Variants in NTNG2 observed in about 807,000 individuals in gnomAD.
NTNG2 encodes netrin-G2.
A neutral mutation model predicts 47.6 loss-of-function variants in NTNG2; 15 were observed. The ratio of observed to expected loss-of-function variants is 0.32; its 90% confidence interval spans 0.21 to 0.49. NTNG2 has a LOEUF of 0.49. Ranked by LOEUF, NTNG2 falls within the 20% of genes least tolerant of loss-of-function variation. The pLI, the probability that NTNG2 is intolerant of heterozygous loss-of-function variation, is 0.99. For missense variants in NTNG2, 578 were observed against 764.6 expected (o/e 0.76, Z 2.88); for synonymous variants, 307 against 324.6 (o/e 0.95, Z 0.58).
intron 3 of NTNG2, among the ~76,000 whole-genome samples, chr9:132,200,600 T>A (rs1020173064): frequency 3.3e-5 from 5 of 152,222 alleles, no homozygotes; most frequent in African/African-American, 1.2e-4. Flanking sequence ...GGCAGGCCGC[T>A]GTGGTGCTGC....
chr9:132,183,297 T>C (rs1286158391), intron 2 of NTNG2, among the ~76,000 whole-genome samples: 1 of 152,168 alleles, frequency 6.6e-6, no homozygotes, highest in East Asian at 1.9e-4. Context: ...CGGGCGCTGC[T>C]TAATGTCAAG....
chr9:132,239,750 G>A (rs1476678410), intron 6 of NTNG2, among the ~76,000 whole-genome samples: 7 of 152,262 alleles, frequency 4.6e-5, no homozygotes, highest in Non-Finnish European at 1.0e-4. Context: ...GCGTGCATTT[G>A]TGCAAGTCCC....
In NTNG2 at chr9:132,163,252, C is replaced by G. The variant is rs776995773; in HGVS notation, c.-484+1013C>G. ...CTAGGCACAGGGCTCGCAGCCGGCC[C>G]GAAGCACTGACTCGACCCTGGCCCC... On this transcript the variant is annotated intron_variant, in intron 1 of 7. Transcript: ENST00000393229. This position sits in a 1 kb window ranked among gnomAD's most constrained non-coding sequence, Gnocchi z 7.2. 1.1e-4 allele frequency among the ~76,000 whole-genome samples: 17 copies of G among 152,076 alleles called. No homozygotes were observed. Among genetic ancestry groups the G allele is most frequent in the Non-Finnish European group, 2.2e-4 (15 of 67,970 alleles).
In NTNG2 at chr9:132,240,942, G is replaced by A; in HGVS notation, c.1255G>A (p.Asp419Asn). The change falls in exon 7 of 8, where the codon GAC becomes AAC. Residue 419 changes from aspartate to asparagine, a missense_variant. Physicochemically the swap from Asp to Asn is conservative, Grantham distance 23. Transcript: ENST00000393229. ...CNCNQIGSVH[D>N]RCNETGFCEC... ...CTGCAACCAGATAGGCTCCGTGCAC[G>A]ACCGGTGCAACGAGACCGGCTTCTG... 2 of 1,612,716 alleles carry A rather than the reference G, an allele frequency of 1.2e-6. No homozygotes were observed. Among genetic ancestry groups the A allele is most frequent in the East Asian group, 2.2e-5 (1 of 44,880 alleles).
intron 3 of NTNG2, among the ~76,000 whole-genome samples, chr9:132,210,836 G>T (rs1158079470): frequency 6.6e-6 from 1 of 152,072 alleles, no homozygotes; most frequent in Non-Finnish European, 1.5e-5. Context: ...AGGATCCCTG[G>T]CCCTTCATCC....
Position 132,227,288 on chromosome 9 carries a change from G to A in NTNG2, c.1030+267G>A, listed in dbSNP as rs558121996. ...ACACCTTGTTCTACAGCTCCCAAAC[G>A]CCAGGTCTCATAACAAGTCCCTCTA... is the stretch of plus-strand genomic sequence containing the variant. On this transcript the variant is annotated intron_variant, in intron 4 of 7. Transcript: ENST00000393229. 6.3e-4 allele frequency among the ~76,000 whole-genome samples: 96 copies of A among 152,348 alleles called. 1 individual carries two copies. Among genetic ancestry groups the A allele is most frequent in the African/African-American group, 2.3e-3 (96 of 41,582 alleles).
Position 132,198,315 on chromosome 9 carries a change from C to T in NTNG2, c.563C>T (p.Ser188Phe). The change falls in exon 3 of 8, where the codon TCC (serine) becomes TTC (phenylalanine). Residue 188 changes from serine (S) to phenylalanine (F), a missense_variant. By Grantham distance (155) the Ser-to-Phe change is radical. Transcript: ENST00000393229. The stretch of plus-strand genomic sequence containing the variant: ...CGCCGGGCCCGCGACATGTCATCCT[C>T]CAGCGCGCACCGCGTGCTCTGCACC... ...SARRARDMSS[S>F]SAHRVLCTEE... 1.9e-6 allele frequency: 3 copies of T among 1,612,790 alleles called. No individual in the cohort carries two copies. In the South Asian group the frequency reaches 3.3e-5, roughly 18 times the overall value.
intron 2 of NTNG2, among the ~76,000 whole-genome samples, chr9:132,195,336 T>C (rs941421218): frequency 6.6e-6 from 1 of 152,182 alleles, no homozygotes; most frequent in African/African-American, 2.4e-5. Context: ...TGAGACAAAG[T>C]CTCGCTCTGT....
intron 2 of NTNG2, among the ~76,000 whole-genome samples, chr9:132,171,236 G>A (rs952783115): frequency 2.0e-5 from 3 of 152,160 alleles, no homozygotes; most frequent in Admixed American, 2.0e-4. Flanking sequence ...TGGGGGCTGG[G>A]TGGTCTGAGG....
rs113412096 is a variant in NTNG2, at chr9:132,218,176, C to T, written c.858-8673C>T. Among the ~76,000 whole-genome samples, 444 of 152,350 alleles carry T rather than the reference C, an allele frequency of 2.9e-3. No homozygotes were observed. Among genetic ancestry groups the T allele is most frequent in the African/African-American group, 0.01 (422 of 41,584 alleles). On this transcript the variant is annotated intron_variant, in intron 3 of 7. Coordinates refer to ENST00000393229, the MANE Select transcript of NTNG2 (RefSeq NM_032536.4). This position sits in a 1 kb window ranked among gnomAD's most constrained non-coding sequence, Gnocchi z 5.4. ...CACCATGGGGGCTCCCGGCTCCTGCCACACAGGCCACCCGGGAGTGCAGAC... is the reference window on the plus strand; with the variant it reads ...CACCATGGGGGCTCCCGGCTCCTGCTACACAGGCCACCCGGGAGTGCAGAC...
intron 3 of NTNG2, among the ~76,000 whole-genome samples, chr9:132,216,428 ATGTGTGTGTGTGTG>A (rs10578395): frequency 5.7e-5 from 5 of 87,648 alleles, no homozygotes; most frequent in Non-Finnish European, 1.1e-4. Flanking sequence ...GTGTGTGTGT[ATGTGTGTGTGTGTG>A]TGTGTGTGTG....
chr9:132,207,713 G>A (rs1244170738), intron 3 of NTNG2, among the ~76,000 whole-genome samples: 1 of 152,180 alleles, frequency 6.6e-6, no homozygotes, highest in African/African-American at 2.4e-5. Context: ...AGGGTGCCAG[G>A]GTCCAAGAGC....
chr9:132,239,020 T>C lies in NTNG2; in HGVS notation c.1055-84T>C, dbSNP rs199657519. On this transcript the variant is annotated intron_variant, in intron 5 of 7. Transcript: ENST00000393229. ...TGCCTTCCTCCGTCCCTGCATGACCTGGGGTGAGTCCTTCCTCGCCCTGTC... is the reference window on the plus strand; with the variant it reads ...TGCCTTCCTCCGTCCCTGCATGACCCGGGGTGAGTCCTTCCTCGCCCTGTC... 5 of 1,395,038 alleles carry C rather than the reference T, an allele frequency of 3.6e-6. No individual in the cohort carries two copies. The South Asian group carries it at 4.7e-5, about 13-fold the overall frequency. 86.4% of individuals were successfully genotyped at this position (1,395,038 alleles called of 1,614,324 possible).
chr9:132,201,308 AC>A (rs1396361538), intron 3 of NTNG2, among the ~76,000 whole-genome samples: 2 of 152,104 alleles, frequency 1.3e-5, no homozygotes, highest in African/African-American at 4.8e-5. Context: ...TCCGCTTGGC[AC>A]CCAGCCTCTG....
At chr9:132,190,396 G>A (rs1388317757) in intron 2 of NTNG2, among the ~76,000 whole-genome samples, 4 of 152,040 alleles carry the variant, frequency 2.6e-5, no homozygotes, top group Non-Finnish European at 2.9e-5. Flanking sequence ...AGCCCTGCCC[G>A]GGACACCCTG....
Position 132,231,449 on chromosome 9 carries a change from C to T in NTNG2, c.1054+854C>T, listed in dbSNP as rs1450427462. ...CCCTCCACCAGGGCTCTGTGGGGCCCCACATCCCACCCAAGTTGTCCCTCC... is the reference window on the plus strand; with the variant it reads ...CCCTCCACCAGGGCTCTGTGGGGCCTCACATCCCACCCAAGTTGTCCCTCC... On this transcript the variant is annotated intron_variant, in intron 5 of 7. Transcript: ENST00000393229. The surrounding 1 kb of genome is among the most constrained non-coding windows in gnomAD (Gnocchi z 4.1). 2.5e-6 allele frequency: 1 copy of T among 405,098 alleles called. No individual in the cohort carries two copies. The highest frequency in any genetic ancestry group is 7.5e-5 in the East Asian group (1 of 13,264). 25.1% of individuals were successfully genotyped at this position (405,098 alleles called of 1,614,324 possible). A position where few individuals can be genotyped will look rare whatever the true frequency, so the allele number is the denominator to read the frequency against.
Position 132,216,033 on chromosome 9 carries a change from G to A in NTNG2, c.858-10816G>A, listed in dbSNP as rs142769306. Among the ~76,000 whole-genome samples the A allele has an allele frequency of 7.2e-5, 11 of 152,246 alleles. No homozygotes were observed. In the East Asian group the frequency reaches 2.1e-3, roughly 29 times the overall value. On this transcript the variant is annotated intron_variant, in intron 3 of 7. Transcript: ENST00000393229. ...GAAACAGCCACTTCCTAGGGTTACA[G>A]GACACCGACTGATTCCCCAAGGCTG...
rs115552680 is a variant in NTNG2 at position 132,235,056 on chromosome 9, G to A, written c.1055-4048G>A. The stretch of plus-strand genomic sequence containing the variant: ...TGTGTGTCCCGTTAGTCTACGGGCT[G>A]AGCGTTGTGTCACTGGTTCATGCTG... On this transcript the variant is annotated intron_variant, in intron 5 of 7. Coordinates refer to ENST00000393229, the MANE Select transcript of NTNG2 (RefSeq NM_032536.4). Among the ~76,000 whole-genome samples the A allele has an allele frequency of 6.2e-3, 941 of 152,324 alleles. 11 individuals carry two copies. Among genetic ancestry groups the A allele is most frequent in the African/African-American group, 0.022 (895 of 41,554 alleles).
intron 3 of NTNG2, among the ~76,000 whole-genome samples, chr9:132,214,897 G>T (rs1839860397): frequency 6.6e-6 from 1 of 151,388 alleles, no homozygotes; most frequent in African/African-American, 2.4e-5. Context: ...TTAGAGACAG[G>T]GTCTTGCTCT....
Sources: gnomAD v4.1 joint callset for allele counts (sites outside exome capture counted in the v4.1 genomes callset) on GRCh38, gnomAD v4.1.1 for gene constraint, Gnocchi (gnomAD v3.1) non-coding constraint, MANE v1.5 for transcripts, NCBI Gene and HGNC (gene_info 2026-07-23, HGNC 2026-07-21) for gene names.